IMMP2L: variants seen among roughly 807,000 people sequenced by gnomAD.
The protein encoded by IMMP2L is inner mitochondrial membrane peptidase subunit 2.
In IMMP2L, 18 loss-of-function variants were observed where a neutral mutation model predicts 19.3. The ratio of observed to expected loss-of-function variants is 0.93; its 90% CI spans 0.64 to 1.38. IMMP2L has a LOEUF of 1.38. IMMP2L is among the 40% of genes most tolerant of loss of function. The pLI is 0.00. For synonymous variants in IMMP2L, 76 were observed against 73.0 expected (o/e 1.04, Z -0.21); for missense variants, 233 against 218.2 (o/e 1.07, Z -0.43).
At chr7:110,821,708 C>T (rs1397522776) in intron 5 of IMMP2L, among the ~76,000 whole-genome samples, 8 of 151,728 alleles carry the variant, frequency 5.3e-5, no homozygotes, top group Admixed American at 4.6e-4. Flanking sequence ...GTCAGGAGAT[C>T]GAGAACATCC....
chr7:111,050,426 A>G (rs1792892755), intron 3 of IMMP2L, among the ~76,000 whole-genome samples: 2 of 152,180 alleles, frequency 1.3e-5, no homozygotes, highest in Admixed American at 1.3e-4. Context: ...AAAGAAAACA[A>G]CTGTAAAGTA....
At chr7:111,149,219 T>C (rs1159173530) in intron 3 of IMMP2L, among the ~76,000 whole-genome samples, 3 of 152,180 alleles carry the variant, frequency 2.0e-5, no homozygotes, top group Admixed American at 1.3e-4. Flanking sequence ...ATTTCAGTGA[T>C]AACAAGTTAG....
chr7:111,488,826 TAA>T (rs1842862750), intron 2 of IMMP2L, among the ~76,000 whole-genome samples: 1 of 152,148 alleles, frequency 6.6e-6, no homozygotes, highest in Admixed American at 6.5e-5. Context: ...ACCAGCAGCG[TAA>T]AAGTGTTTCC....
intron 3 of IMMP2L, among the ~76,000 whole-genome samples, chr7:111,171,315 A>T (rs540524490): frequency 6.6e-6 from 1 of 151,814 alleles, no homozygotes; most frequent in Non-Finnish European, 1.5e-5. Flanking sequence ...ATATTGTACT[A>T]CATTGAAATT....
At chr7:111,092,998 A>C (rs1797024084) in intron 3 of IMMP2L, among the ~76,000 whole-genome samples, 1 of 152,234 alleles carries the variant, frequency 6.6e-6, no homozygotes, top group Non-Finnish European at 1.5e-5. Flanking sequence ...CCAAAGCAAA[A>C]AGACAATAAC....
At chr7:111,238,300 G>A (rs957267803) in intron 3 of IMMP2L, among the ~76,000 whole-genome samples, 5 of 151,578 alleles carry the variant, frequency 3.3e-5, no homozygotes, top group Non-Finnish European at 7.4e-5. Context: ...TCACCCTATG[G>A]AACCTGTAAG....
Position 111,506,500 on chromosome 7 carries a change from C to G in IMMP2L, c.135+14813G>C, listed in dbSNP as rs1030631834. 2.6e-5 allele frequency among the ~76,000 whole-genome samples: 4 copies of G among 152,230 alleles called. No homozygotes were observed. In the South Asian group the frequency reaches 8.3e-4, roughly 32 times the overall value. On this transcript the variant is annotated intron_variant, in intron 2 of 5. Coordinates refer to ENST00000405709, the MANE Select transcript of IMMP2L (RefSeq NM_032549.4). Reference sequence around the variant, plus strand: ...GCAACCTCCGCCTCCCAGGTTCAAGCGATTCTCCTGCCTCAGCCTCCAGAG... The same window carrying G: ...GCAACCTCCGCCTCCCAGGTTCAAGGGATTCTCCTGCCTCAGCCTCCAGAG...
At chr7:110,999,590 TA>T (rs1823431476) in intron 3 of IMMP2L, among the ~76,000 whole-genome samples, 1 of 150,084 alleles carries the variant, frequency 6.7e-6, no homozygotes, top group African/African-American at 2.5e-5. Context: ...CAAACACTTC[TA>T]AATATTTTCG....
intron 5 of IMMP2L, among the ~76,000 whole-genome samples, chr7:110,831,287 G>A (rs1406302374): frequency 4.6e-5 from 7 of 151,940 alleles, no homozygotes; most frequent in African/African-American, 1.7e-4. Context: ...CTGTTTTCCT[G>A]CTTTGCTTTT....
intron 4 of IMMP2L, among the ~76,000 whole-genome samples, chr7:110,929,108 T>A (rs1366655591): frequency 6.6e-6 from 1 of 152,074 alleles, no homozygotes; most frequent in Non-Finnish European, 1.5e-5. Flanking sequence ...GTTTGTCAAC[T>A]GAAAGTCAGA....
At chr7:110,969,782 C>A (rs1374158586) in intron 3 of IMMP2L, among the ~76,000 whole-genome samples, 1 of 152,072 alleles carries the variant, frequency 6.6e-6, no homozygotes, top group East Asian at 1.9e-4. Context: ...TCTCTCAGAG[C>A]ATACCCTACC....
At chr7:111,087,460 A>G (rs903287102) in intron 3 of IMMP2L, among the ~76,000 whole-genome samples, 1 of 151,898 alleles carries the variant, frequency 6.6e-6, no homozygotes, top group Admixed American at 6.6e-5. Flanking sequence ...AAAAAAGAAA[A>G]AAAAAAAAAA....
intron 5 of IMMP2L, among the ~76,000 whole-genome samples, chr7:110,672,174 C>G (rs1791966491): frequency 6.6e-6 from 1 of 152,024 alleles, no homozygotes; most frequent in African/African-American, 2.4e-5. Context: ...ACAATCATAG[C>G]AGAAGGGGAA....
At chr7:111,421,521 C>T (rs1043466054) in intron 3 of IMMP2L, among the ~76,000 whole-genome samples, 3 of 151,456 alleles carry the variant, frequency 2.0e-5, no homozygotes, top group African/African-American at 2.4e-5. Flanking sequence ...CCACCCGCCT[C>T]GGCCTCCCAA....
At chr7:110,998,140 C>T (rs1332027181) in intron 3 of IMMP2L, among the ~76,000 whole-genome samples, 1 of 152,100 alleles carries the variant, frequency 6.6e-6, no homozygotes, top group Non-Finnish European at 1.5e-5. Context: ...GGATGGTTCC[C>T]AGATCACCAG....
At chr7:110,883,105 T>G (rs1423023328) in intron 5 of IMMP2L, among the ~76,000 whole-genome samples, 5 of 152,210 alleles carry the variant, frequency 3.3e-5, no homozygotes. Flanking sequence ...TTTATAAACT[T>G]CAAAAAGAAT....
chr7:111,492,488 T>A, intron 2 of IMMP2L: 1 of 510,428 alleles, frequency 2.0e-6, no homozygotes, highest in Non-Finnish European at 2.5e-6. Flanking sequence ...TCAAAGTCCT[T>A]ATCTGATGGG....
rs1253568954 is a variant in IMMP2L at position 110,757,806 on chromosome 7, A to G, written c.409-94085T>C. On this transcript the variant is annotated intron_variant, in intron 5 of 5. Transcript: ENST00000405709. The surrounding 1 kb of genome is among the most constrained non-coding windows in gnomAD (Gnocchi z 4.2). The stretch of plus-strand genomic sequence containing the variant: ...TGTGTTTTGTCAGCACTCTGACGGA[A>G]AAAACCTCATTAGGAAGGCAGCACT... Among the ~76,000 whole-genome samples the G allele has an allele frequency of 2.0e-5, 3 of 152,128 alleles. No individual in the cohort carries two copies. In the East Asian group the frequency reaches 5.8e-4, roughly 29 times the overall value.
intron 5 of IMMP2L, among the ~76,000 whole-genome samples, chr7:110,713,986 G>C (rs1043405231): frequency 2.0e-5 from 3 of 152,092 alleles, no homozygotes; most frequent in African/African-American, 7.2e-5. Flanking sequence ...AGTGAGAATG[G>C]GCATCCTTGT....
Sources: allele counts gnomAD v4.1 joint callset (sites outside exome capture counted in the v4.1 genomes callset), GRCh38; gene constraint gnomAD v4.1.1; non-coding constraint Gnocchi (gnomAD v3.1); transcripts MANE v1.5; gene names NCBI Gene and HGNC (gene_info 2026-07-23, HGNC 2026-07-21).